EIF2AK3: variants seen among roughly 807,000 people sequenced by gnomAD.
The protein encoded by EIF2AK3 is eukaryotic translation initiation factor 2-alpha kinase 3.
A neutral mutation model predicts 113.5 loss-of-function variants in EIF2AK3; 50 were observed. That is an observed-to-expected ratio of 0.44 (90% CI 0.35 to 0.56). The LOEUF is 0.56. Among genes scored for constraint, EIF2AK3 ranks in the 20% least tolerant of loss-of-function variants. The pLI is 0.00. For synonymous variants in EIF2AK3, 448 were observed against 495.4 expected, an observed-to-expected ratio of 0.90 and a Z score of 1.27; for missense variants, 1,185 against 1,378.0, an observed-to-expected ratio of 0.86 and a Z score of 2.22.
In EIF2AK3 at chr2:88,601,834, C is replaced by CTTTTTTTTTTTTTTTTTT. The variant is rs59987968; in HGVS notation, c.439-6189_439-6172dup. Among the ~76,000 whole-genome samples, 237 of 74,882 alleles carry CTTTTTTTTTTTTTTTTTT rather than the reference C, an allele frequency of 3.2e-3. 1 individual carries two copies. Among genetic ancestry groups the CTTTTTTTTTTTTTTTTTT allele is most frequent in the African/African-American group, 4.7e-3 (88 of 18,798 alleles). The allele number at this position is 74,882 out of a possible 152,430, so 49.1% of individuals were successfully genotyped here. On this transcript the variant is annotated intron_variant, in intron 2 of 16. Transcript: ENST00000303236. ...TCTGCATTTATTAGTTAAGATTTTT[C>CTTTTTTTTTTTTTTTTTT]TTTTTTTTTTTTTTTTTTTTTGCTT...
chr2:88,571,467 C>G (rs1328353281), intron 13 of EIF2AK3, among the ~76,000 whole-genome samples: 4 of 152,202 alleles, frequency 2.6e-5, no homozygotes, highest in Non-Finnish European at 5.9e-5. Context: ...TTTACTACTA[C>G]TAACTCATGT....
chr2:88,612,265 A>G (rs1277505454), intron 2 of EIF2AK3, among the ~76,000 whole-genome samples: 3 of 152,206 alleles, frequency 2.0e-5, no homozygotes, highest in Non-Finnish European at 4.4e-5. Flanking sequence ...TTGAACTACT[A>G]CAACACACTG....
intron 2 of EIF2AK3, among the ~76,000 whole-genome samples, chr2:88,599,921 C>T (rs1384744010): frequency 6.6e-6 from 1 of 152,134 alleles, no homozygotes; most frequent in Non-Finnish European, 1.5e-5. Context: ...GACCAACCAA[C>T]CTTATCTTCA....
chr2:88,573,192 T>C (rs147314648), intron 13 of EIF2AK3, among the ~76,000 whole-genome samples: 4 of 152,222 alleles, frequency 2.6e-5, no homozygotes, highest in African/African-American at 9.6e-5. Flanking sequence ...AATAAAACTT[T>C]CTGATTTCTA....
intron 2 of EIF2AK3, among the ~76,000 whole-genome samples, chr2:88,604,269 T>G (rs1490486168): frequency 2.0e-5 from 3 of 152,188 alleles, no homozygotes; most frequent in Admixed American, 2.0e-4. Context: ...TGGGCTCATT[T>G]CGGCTGCTCT....
chr2:88,613,629 C>T, intron 2 of EIF2AK3, 95 bp downstream of exon 2: 1 of 1,416,888 alleles, frequency 7.1e-7, no homozygotes, highest in East Asian at 2.3e-5. Flanking sequence ...GCAGACAGGC[C>T]TCAAACCTGG....
intron 14 of EIF2AK3, among the ~76,000 whole-genome samples, 157 bp downstream of exon 14, chr2:88,570,717 C>A (rs1674282422): frequency 6.6e-6 from 1 of 152,202 alleles, no homozygotes; most frequent in Non-Finnish European, 1.5e-5. Flanking sequence ...TACATCTTAG[C>A]TGTGTCACTA....
intron 13 of EIF2AK3, among the ~76,000 whole-genome samples, chr2:88,571,960 C>G (rs575329260): frequency 5.9e-5 from 9 of 152,252 alleles, no homozygotes; most frequent in African/African-American, 2.2e-4. Context: ...TCAGAGTCTA[C>G]TCTACTCTGC....
At position 88,595,496 on chromosome 2, in the gene EIF2AK3, T is replaced by A. The variant is rs750053426; in HGVS notation, c.606A>T (p.Thr202=). 18 of 1,613,956 alleles carry A rather than the reference T, an allele frequency of 1.1e-5. No individual in the cohort carries two copies. The highest frequency in any genetic ancestry group is 1.4e-5 in the Non-Finnish European group (16 of 1,179,994). ...VVLVGGKSLT[T]YGLSAYSGKV... ...TTCCACTATATGCACTGAGTCCATA[T>A]GTAGTCAGAGATTTTCCTCCAACCA... The change falls in exon 3 of 17, where the codon ACA becomes ACT. Residue 202 remains threonine, a synonymous_variant. Coordinates refer to ENST00000303236, the MANE Select transcript of EIF2AK3 (RefSeq NM_004836.7).
intron 14 of EIF2AK3, 87 bp downstream of exon 14, chr2:88,570,787 T>C: frequency 6.5e-7 from 1 of 1,536,972 alleles, no homozygotes; most frequent in Non-Finnish European, 9.0e-7. Flanking sequence ...GGGTTTTAGA[T>C]TACTGGGTAT....
chr2:88,562,570 G>A (rs1456583064), intron 14 of EIF2AK3, among the ~76,000 whole-genome samples, 180 bp from the exon 15 acceptor site: 4 of 152,180 alleles, frequency 2.6e-5, no homozygotes, highest in African/African-American at 9.7e-5. Flanking sequence ...TACACCAAGA[G>A]TAATTAAACT....
intron 14 of EIF2AK3, among the ~76,000 whole-genome samples, chr2:88,568,017 A>T (rs888347869): frequency 1.3e-5 from 2 of 152,032 alleles, no homozygotes; most frequent in African/African-American, 2.4e-5. Flanking sequence ...CCCAGGCTGG[A>T]GTGCAGTGGC....
intron 2 of EIF2AK3, among the ~76,000 whole-genome samples, chr2:88,605,069 T>C (rs1675236002): frequency 6.6e-6 from 1 of 152,182 alleles, no homozygotes; most frequent in Non-Finnish European, 1.5e-5. Context: ...TGACTAAGAA[T>C]AGATATCACT....
rs1165452910 is a variant in EIF2AK3 at position 88,557,880 on chromosome 2, T to A, written c.3207A>T (p.Ile1069=). The change falls in exon 17 of 17, where the codon ATA becomes ATT. Residue 1069 remains isoleucine, a synonymous_variant. Coordinates refer to ENST00000303236, the MANE Select transcript of EIF2AK3 (RefSeq NM_004836.7). ...CAAATACAGCATTTTCAATGATGTT[T>A]ATAGCTTCAGGTCGTTCCATGGGGG... The part of the protein sequence containing the change: ...SPSPMERPEA[I]NIIENAVFED... 4.3e-6 allele frequency: 7 copies of A among 1,614,082 alleles called. No individual in the cohort carries two copies. Among genetic ancestry groups the A allele is most frequent in the Non-Finnish European group, 5.9e-6 (7 of 1,180,018 alleles).
intron 11 of EIF2AK3, 39 bp from the exon 12 acceptor site, chr2:88,576,742 A>G (rs763369256): frequency 1.1e-5 from 17 of 1,605,098 alleles, no homozygotes; most frequent in Admixed American, 1.0e-4. Context: ...GGATATTCCA[A>G]TTACACTGAT....
chr2:88,581,293 G>A (rs1356210060), intron 10 of EIF2AK3, among the ~76,000 whole-genome samples: 1 of 149,820 alleles, frequency 6.7e-6, no homozygotes, highest in Non-Finnish European at 1.5e-5. Context: ...ATTCAATTTT[G>A]AGTATATTTT....
In EIF2AK3 at chr2:88,627,184, C is replaced by T. The variant is rs1675888284; in HGVS notation, c.91G>A (p.Gly31Arg). ...LGLAARTVAA[G>R]RARGLPAPTA... ...GGCGCTGGGAGGCCACGGGCGCGCC[C>T]CGCGGCCACCGTCCTTGCCGCGAGC... is the stretch of plus-strand genomic sequence containing the variant. Residue 31 changes from glycine (G) to arginine (R), a missense_variant, in exon 1 of 17, where the codon GGG (glycine) becomes AGG (arginine). By Grantham distance (125) the Gly-to-Arg change is moderately radical (BLOSUM62 -2). This residue lies in a region of EIF2AK3 where 189 missense variants were observed against 175.2 expected (regional missense o/e 1.08). Transcript: ENST00000303236. 3 of 1,447,002 alleles carry T rather than the reference C, an allele frequency of 2.1e-6. No homozygotes were observed. The highest frequency in any genetic ancestry group is 1.8e-6 in the Non-Finnish European group (2 of 1,105,106). The allele number at this position is 1,447,002 out of a possible 1,614,324, so 89.6% of individuals were successfully genotyped here. A position where few individuals can be genotyped will look rare whatever the true frequency, so the allele number is the denominator to read the frequency against.
chr2:88,627,776 C>T (rs1054049432), upstream of EIF2AK3: 3 of 153,660 alleles, frequency 2.0e-5, no homozygotes, highest in African/African-American at 7.2e-5. Context: ...CAAAGCGAGG[C>T]GCTGGAGAAG....
rs751932185 is a variant in EIF2AK3 at position 88,571,090 on chromosome 2, A to G, written c.2818-49T>C. The G allele has an allele frequency of 3.9e-5, 62 of 1,588,314 alleles. No individual in the cohort carries two copies. In the Admixed American group the frequency reaches 9.7e-4, roughly 25 times the overall value. Reference sequence around the variant, plus strand: ...AGTACAGTGGGTGTGCATGGAGGCGAAAAAGTAAAGAGAATTATTTAAAAG... The same window carrying G: ...AGTACAGTGGGTGTGCATGGAGGCGGAAAAGTAAAGAGAATTATTTAAAAG... On this transcript the variant is annotated intron_variant, in intron 13 of 16. Transcript: ENST00000303236.
Sources: gnomAD v4.1 joint callset for allele counts (sites outside exome capture counted in the v4.1 genomes callset) on GRCh38, gnomAD v4.1.1 for gene constraint, gnomAD v4.1.1 regional missense constraint, MANE v1.5 for transcripts, NCBI Gene and HGNC (gene_info 2026-07-23, HGNC 2026-07-21) for gene names.